The following SYT16 variants were observed in gnomAD, a reference collection of about 807,000 sequenced individuals.
SYT16 encodes the protein synaptotagmin 16, also known as synaptotagmin-16.
A neutral mutation model predicts 61.4 loss-of-function variants in SYT16; 42 were observed. That is an observed-to-expected ratio of 0.68 (90% CI 0.53 to 0.89). The LOEUF (loss-of-function observed/expected upper bound fraction) is 0.89. Among genes scored for constraint, SYT16 ranks in the 40% least tolerant of loss-of-function variants. SYT16 has a pLI of 0.00. For missense variants in SYT16, 804 were observed against 807.3 expected, an observed-to-expected ratio of 1.00 and a Z score of 0.05; for synonymous variants, 314 against 302.3, an observed-to-expected ratio of 1.04 and a Z score of -0.40.
intron 3 of SYT16, among the ~76,000 whole-genome samples, chr14:62,003,040 C>T (rs2053083917): frequency 6.6e-6 from 1 of 152,062 alleles, no homozygotes. Flanking sequence ...ATTCAGTTAC[C>T]TCCCTTTGGG....
intron 3 of SYT16, among the ~76,000 whole-genome samples, chr14:62,035,345 T>A (rs932918602): frequency 1.1e-4 from 16 of 152,340 alleles, no homozygotes; most frequent in Admixed American, 1.3e-4. Context: ...GCTTTGATTT[T>A]TACTTTGTCC....
chr14:62,040,867 A>G (rs947038736), intron 3 of SYT16, among the ~76,000 whole-genome samples: 8 of 152,098 alleles, frequency 5.3e-5, no homozygotes, highest in South Asian at 2.1e-4. Context: ...GTTTGTTACA[A>G]TTGATGAACT....
At chr14:62,086,131 TG>T (rs2056878191) in intron 7 of SYT16, among the ~76,000 whole-genome samples, 1 of 152,152 alleles carries the variant, frequency 6.6e-6, no homozygotes, top group Non-Finnish European at 1.5e-5. Context: ...AAGTACCAGC[TG>T]GAGGCCAACA....
At chr14:61,925,952 T>G (rs1374627403) in intron 1 of SYT16, among the ~76,000 whole-genome samples, 1 of 152,170 alleles carries the variant, frequency 6.6e-6, no homozygotes, top group African/African-American at 2.4e-5. Flanking sequence ...AAGACCACTG[T>G]GTAAACTCTG....
chr14:61,837,480 C>T (rs769295227), intron 1 of SYT16, among the ~76,000 whole-genome samples: 2 of 152,056 alleles, frequency 1.3e-5, no homozygotes, highest in African/African-American at 2.4e-5. Context: ...TTCAAGTGAT[C>T]CTCCCACCTC....
rs547487483 is a variant in SYT16, at chr14:61,982,141, G to T, written c.-145+11830G>T. ...CTGGAGCCATTCTATGTTTGAAATA[G>T]TCATAGCATGGAATTTTATGACTGA... On this transcript the variant is annotated intron_variant, in intron 2 of 7. Transcript: ENST00000683842. 4.7e-4 allele frequency among the ~76,000 whole-genome samples: 72 copies of T among 152,226 alleles called. 1 individual carries two copies. In the Middle Eastern group the frequency reaches 0.017, roughly 36 times the overall value.
At chr14:62,047,540 C>T (rs2055049693) in intron 3 of SYT16, among the ~76,000 whole-genome samples, 1 of 152,150 alleles carries the variant, frequency 6.6e-6, no homozygotes, top group Non-Finnish European at 1.5e-5. Flanking sequence ...AGAGGGCATC[C>T]CTGTCTTGTG....
intron 1 of SYT16, among the ~76,000 whole-genome samples, chr14:61,914,361 A>G (rs184012950): frequency 1.7e-4 from 26 of 152,270 alleles, no homozygotes; most frequent in African/African-American, 6.3e-4. Context: ...TGCTGTCTAT[A>G]TGAAGGGATC....
chr14:61,881,909 T>A (rs1312405676), intron 1 of SYT16, among the ~76,000 whole-genome samples: 1 of 152,222 alleles, frequency 6.6e-6, no homozygotes, highest in African/African-American at 2.4e-5. Flanking sequence ...TCCTTACTTT[T>A]TCTCATTCCC....
At chr14:61,891,152 T>C (rs2048109681) in intron 1 of SYT16, among the ~76,000 whole-genome samples, 1 of 152,132 alleles carries the variant, frequency 6.6e-6, no homozygotes, top group East Asian at 1.9e-4. Flanking sequence ...CAGAGTGTTT[T>C]ATTCCTTGAT....
chr14:62,026,298 C>G (rs191664199), intron 3 of SYT16, among the ~76,000 whole-genome samples: 1 of 152,270 alleles, frequency 6.6e-6, no homozygotes, highest in Admixed American at 6.5e-5. Context: ...GTTGCTATAA[C>G]TAAATACTTG....
chr14:61,849,135 C>A (rs865790843), intron 1 of SYT16, among the ~76,000 whole-genome samples: 8 of 152,290 alleles, frequency 5.3e-5, no homozygotes, highest in Middle Eastern at 6.8e-3. Context: ...TGGGGGGCCT[C>A]CGGACTCTGT....
chr14:61,816,762 A>C (rs2045441585), intron 1 of SYT16, among the ~76,000 whole-genome samples: 1 of 152,156 alleles, frequency 6.6e-6, no homozygotes, highest in Admixed American at 6.6e-5. Flanking sequence ...CTGTAATCCC[A>C]GCACTTTGGG....
intron 1 of SYT16, among the ~76,000 whole-genome samples, chr14:61,844,140 A>G (rs8015247): frequency 0.019 from 2,944 of 152,088 alleles, 70 homozygotes; most frequent in African/African-American, 0.048. Context: ...TGGATATTTA[A>G]TTTTATGTGT....
At chr14:61,968,790 G>A (rs1244368898) in intron 1 of SYT16, among the ~76,000 whole-genome samples, 1 of 152,210 alleles carries the variant, frequency 6.6e-6, no homozygotes, top group African/African-American at 2.4e-5. Context: ...CGCTGTGACT[G>A]CTGATCCCTT....
intron 1 of SYT16, among the ~76,000 whole-genome samples, chr14:61,889,152 GACTCA>G (rs1361754275): frequency 1.3e-5 from 2 of 152,316 alleles, no homozygotes; most frequent in Non-Finnish European, 2.9e-5. Context: ...AGAGAGCCTG[GACTCA>G]ACTCTGACTC....
Position 61,959,441 on chromosome 14 carries a change from AG to A in SYT16, c.-324-10690del, listed in dbSNP as rs762808494. Among the ~76,000 whole-genome samples the A allele has an allele frequency of 2.4e-4, 36 of 151,258 alleles. 1 individual carries two copies. The highest frequency in any genetic ancestry group is 1.9e-3 in the East Asian group (10 of 5,164). ...CATCTACTGTACTTTTTTGTTATGG[AG>A]TTTACATTGAACAGTTTATAGTTAT... On this transcript the variant is annotated intron_variant, in intron 1 of 7. Coordinates refer to ENST00000683842, the MANE Select transcript of SYT16 (RefSeq NM_001367656.1).
intron 1 of SYT16, among the ~76,000 whole-genome samples, chr14:61,948,889 T>C (rs979105055): frequency 6.6e-6 from 1 of 152,076 alleles, no homozygotes; most frequent in African/African-American, 2.4e-5. Flanking sequence ...AAAGTAAAGT[T>C]GAAGAATAAG....
intron 1 of SYT16, among the ~76,000 whole-genome samples, chr14:61,904,523 C>T (rs217657): frequency 0.91 from 138,522 of 152,318 alleles, 63,121 homozygotes; most frequent in East Asian, 0.98. Flanking sequence ...GCTGTGAGTG[C>T]TGGCTTTTGC....
Sources: gnomAD v4.1 joint callset for allele counts (sites outside exome capture counted in the v4.1 genomes callset) on GRCh38, gnomAD v4.1.1 for gene constraint, MANE v1.5 for transcripts, NCBI Gene and HGNC (gene_info 2026-07-23, HGNC 2026-07-21) for gene names.